The following TULP1 variants were observed in gnomAD, a reference collection of about 807,000 sequenced individuals.
TULP1 encodes tubby-related protein 1.
In TULP1, 50 loss-of-function variants were observed where a neutral mutation model predicts 67.1. The observed-to-expected ratio is 0.75, with a 90% CI of 0.59 to 0.94. TULP1 has a LOEUF of 0.94. TULP1 is among the 40% of genes least tolerant of loss of function. The pLI is 0.00. For missense variants in TULP1, 746 were observed against 734.1 expected (o/e 1.02, Z -0.19); for synonymous variants, 297 against 294.0 (o/e 1.01, Z -0.11).
In TULP1 at chr6:35,512,684, A is replaced by T; in HGVS notation, c.54T>A (p.His18Gln). The T allele has an allele frequency of 1.2e-6, 2 of 1,613,818 alleles. No homozygotes were observed. The highest frequency in any genetic ancestry group is 1.7e-6 in the Non-Finnish European group (2 of 1,179,948). Residue 18 changes from histidine (H) to glutamine (Q), a missense_variant, in exon 2 of 15, where the codon CAT becomes CAA. This residue lies in a region of TULP1 where 359 missense variants were observed against 341.9 expected (regional missense o/e 1.05). Coordinates refer to ENST00000229771, the MANE Select transcript of TULP1 (RefSeq NM_003322.6). ...CCTCCGGGCTCAGGCTTTCTTCTTC[A>T]TGCCCACTGAGGGTAGCAAAGGGAT... is the stretch of plus-strand genomic sequence containing the variant. ...LREVWASDSG[H>Q]EEESLSPEAP...
At position 35,498,568 on chromosome 6, in the gene TULP1, C is replaced by A; in HGVS notation, c.1496-108G>T. 6.6e-7 allele frequency: 1 copy of A among 1,513,654 alleles called. No homozygotes were observed. The highest frequency in any genetic ancestry group is 9.0e-7 in the Non-Finnish European group (1 of 1,114,952). 93.8% of individuals were successfully genotyped at this position (1,513,654 alleles called of 1,614,324 possible). A position where few individuals can be genotyped will look rare whatever the true frequency, so the allele number is the denominator to read the frequency against. On this transcript the variant is annotated intron_variant, in intron 14 of 14. Transcript: ENST00000229771. The surrounding 1 kb of genome is among the most constrained non-coding windows in gnomAD (Gnocchi z 6.7). ...CAGTCTGTCCCTTGCCTTGGGGCTC[C>A]AACCCTCAGCCACCATCTCAGTTAC...
chr6:35,506,184 G>T lies in TULP1; in HGVS notation c.829-11C>A. 1 of 1,613,386 alleles carries T rather than the reference G, an allele frequency of 6.2e-7. No homozygotes were observed. The highest frequency in any genetic ancestry group is 8.5e-7 in the Non-Finnish European group (1 of 1,179,792). On this transcript the variant is annotated splice_polypyrimidine_tract_variant and intron_variant, in intron 9 of 14. Transcript: ENST00000229771. ...GGCCCTCTCCTCCTTCTGGGTGGGG[G>T]CAGAGGGTACATCAGCCCCAGAGCA...
intron 2 of TULP1, 145 bp downstream of exon 2, chr6:35,512,494 A>C: frequency 9.1e-7 from 1 of 1,095,920 alleles, no homozygotes. Flanking sequence ...GTCCCCAAAC[A>C]GCCCTTTCTC....
chr6:35,499,195 G>T (rs1467105420), intron 14 of TULP1, among the ~76,000 whole-genome samples: 1 of 152,142 alleles, frequency 6.6e-6, no homozygotes, highest in African/African-American at 2.4e-5. Flanking sequence ...TCCAACCAAG[G>T]CTTGTAACAG....
intron 11 of TULP1, 127 bp downstream of exon 11, chr6:35,505,614 T>G: frequency 6.5e-7 from 1 of 1,545,806 alleles, no homozygotes; most frequent in Non-Finnish European, 8.7e-7. Flanking sequence ...CGAGAGGCCC[T>G]AGGCTAGGGG....
intron 2 of TULP1, 112 bp from the exon 3 acceptor site, chr6:35,512,382 G>A (rs1415738563): frequency 4.4e-6 from 3 of 681,818 alleles, no homozygotes; most frequent in East Asian, 2.8e-5. Context: ...TATCCGGGGG[G>A]AACTGCAGCC....
At chr6:35,508,501 G>T (rs1240008686) in intron 8 of TULP1, among the ~76,000 whole-genome samples, 1 of 152,150 alleles carries the variant, frequency 6.6e-6, no homozygotes, top group Non-Finnish European at 1.5e-5. Flanking sequence ...TCCAGGCCCT[G>T]TCCTCGTGGT....
chr6:35,510,803 T>C, intron 5 of TULP1, 58 bp downstream of exon 5: 1 of 1,610,214 alleles, frequency 6.2e-7, no homozygotes, highest in Non-Finnish European at 8.5e-7. Flanking sequence ...CGCCAAGCCC[T>C]CCAAGGACAG....
In TULP1 at chr6:35,500,130, C is replaced by T. The variant is rs1768804529; in HGVS notation, c.1346G>A (p.Arg449His). ...PRNASDGLLV[R>H]WQNKTLESLI... ...GCTCTCCAGCGTCTTGTTCTGCCAG[C>T]GCACCAGCAGGCCGTCACTAGCCTG... Residue 449 changes from arginine to histidine, a missense_variant, in exon 14 of 15, where the codon CGC (arginine) becomes CAC (histidine). Coordinates refer to ENST00000229771, the MANE Select transcript of TULP1 (RefSeq NM_003322.6). 9 of 1,614,060 alleles carry T rather than the reference C, an allele frequency of 5.6e-6. No individual in the cohort carries two copies. The highest frequency in any genetic ancestry group is 7.6e-6 in the Non-Finnish European group (9 of 1,180,018).
chr6:35,501,046 A>C (rs1760945624), intron 13 of TULP1, among the ~76,000 whole-genome samples: 1 of 152,146 alleles, frequency 6.6e-6, no homozygotes, highest in African/African-American at 2.4e-5. Flanking sequence ...AAATGACATC[A>C]GTCTCCTGTG....
At chr6:35,510,032 C>T in intron 5 of TULP1, 104 bp from the exon 6 acceptor site, 1 of 1,079,916 alleles carries the variant, frequency 9.3e-7, no homozygotes, top group Non-Finnish European at 1.4e-6. Context: ...AGGCTGAAAG[C>T]TTGACAGGGG....
Position 35,503,462 on chromosome 6 carries a change from T to C in TULP1, c.1323+97A>G. ...GCCAGAATGAATTTGTGTTGGAGGG[T>C]GATGGATGTGCTCAGGGAGTTGGCT... On this transcript the variant is annotated intron_variant, in intron 13 of 14. Coordinates refer to ENST00000229771, the MANE Select transcript of TULP1 (RefSeq NM_003322.6). This position sits in a 1 kb window ranked among gnomAD's most constrained non-coding sequence, Gnocchi z 4.0. 2 of 1,219,678 alleles carry C rather than the reference T, an allele frequency of 1.6e-6. No individual in the cohort carries two copies. The highest frequency in any genetic ancestry group is 1.2e-6 in the Non-Finnish European group (1 of 854,264). The allele number at this position is 1,219,678 out of a possible 1,614,324, so 75.6% of individuals were successfully genotyped here. A position where few individuals can be genotyped will look rare whatever the true frequency, so the allele number is the denominator to read the frequency against.
intron 5 of TULP1, 48 bp downstream of exon 5, chr6:35,510,812 AG>A: frequency 6.2e-7 from 1 of 1,611,606 alleles, no homozygotes; most frequent in South Asian, 1.1e-5. Flanking sequence ...CTCCAAGGAC[AG>A]GGCTGTTCTG....
chr6:35,506,430 C>T, intron 8 of TULP1, 151 bp from the exon 9 acceptor site: 4 of 993,586 alleles, frequency 4.0e-6, no homozygotes, highest in Non-Finnish European at 6.2e-6. Context: ...TTCTGCTTAG[C>T]TTGTGGATAG....
In TULP1 at chr6:35,512,246, T is replaced by G. The variant is rs778759254; in HGVS notation, c.124A>C (p.Arg42=). The change falls in exon 3 of 15, where the codon AGG becomes CGG. Residue 42 remains arginine, a synonymous_variant. Transcript: ENST00000229771. ...TCGGGGGCCTCCGTCCTCTTCTTCC[T>G]TAGCCTCTGTGCCGGGGCGGGTCGC... ...KQRPAPAQRL[R]KKRTEAPESP... is the part of the protein sequence containing the mutation. 43 of 1,401,988 alleles carry G rather than the reference T, an allele frequency of 3.1e-5. No individual in the cohort carries two copies. The highest frequency in any genetic ancestry group is 3.9e-5 in the Non-Finnish European group (42 of 1,077,954). The allele number at this position is 1,401,988 out of a possible 1,614,324, so 86.8% of individuals were successfully genotyped here. A position where few individuals can be genotyped will look rare whatever the true frequency, so the allele number is the denominator to read the frequency against.
chr6:35,510,839 T>TCTCAGCACC (rs766591179), intron 5 of TULP1, 22 bp downstream of exon 5: 1 of 1,613,460 alleles, frequency 6.2e-7, no homozygotes, highest in South Asian at 1.1e-5. Flanking sequence ...CTGTGAGCTC[T>TCTCAGCACC]CTCAGCACCC....
At chr6:35,511,049 G>A in intron 4 of TULP1, 39 bp from the exon 5 acceptor site, 1 of 1,599,436 alleles carries the variant, frequency 6.3e-7, no homozygotes, top group Non-Finnish European at 8.5e-7. Flanking sequence ...GTTTGAGCCG[G>A]GCCCTCCTTA....
At chr6:35,512,315 C>A in intron 2 of TULP1, 45 bp from the exon 3 acceptor site, 1 of 966,028 alleles carries the variant, frequency 1.0e-6, no homozygotes, top group Non-Finnish European at 1.5e-6. Flanking sequence ...GAAAGGGGGG[C>A]GCTGAGGCCC....
At position 35,503,904 on chromosome 6, in the gene TULP1, A is replaced by C. The variant is rs924863629; in HGVS notation, c.1113-56T>G. 1.4e-6 allele frequency: 2 copies of C among 1,399,660 alleles called. No individual in the cohort carries two copies. Among genetic ancestry groups the C allele is most frequent in the Non-Finnish European group, 2.0e-6 (2 of 1,017,228 alleles). The allele number at this position is 1,399,660 out of a possible 1,614,324, so 86.7% of individuals were successfully genotyped here. A position where few individuals can be genotyped will look rare whatever the true frequency, so the allele number is the denominator to read the frequency against. ...TGAGGGGATCCTACATCCCTGCCCC[A>C]GGCCCCTTCCACACAGCCAAGCAGT... On this transcript the variant is annotated intron_variant, in intron 11 of 14. Transcript: ENST00000229771. The surrounding 1 kb of genome is among the most constrained non-coding windows in gnomAD (Gnocchi z 4.0).
Sources: allele counts gnomAD v4.1 joint callset (sites outside exome capture counted in the v4.1 genomes callset), GRCh38; gene constraint gnomAD v4.1.1; regional missense constraint gnomAD v4.1.1; non-coding constraint Gnocchi (gnomAD v3.1); transcripts MANE v1.5; gene names NCBI Gene and HGNC (gene_info 2026-07-23, HGNC 2026-07-21).